The following SAE1 variants were observed in gnomAD, a reference collection of about 807,000 sequenced individuals.
SAE1 encodes the protein SUMO-activating enzyme subunit 1.
SAE1 carries 11 observed loss-of-function variants against 40.6 expected under a neutral mutation model. The ratio of observed to expected loss-of-function variants is 0.27; its 90% CI spans 0.17 to 0.45. The LOEUF (loss-of-function observed/expected upper bound fraction) is 0.45, where lower values mean the gene tolerates loss of function less well. Ranked by LOEUF, SAE1 falls within the 20% of genes least tolerant of loss-of-function variation. SAE1 has a pLI of 1.00. For missense variants in SAE1, 373 were observed against 427.3 expected (o/e 0.87, Z 1.12); for synonymous variants, 155 against 154.3 (o/e 1.00, Z -0.03).
intron 6 of SAE1, among the ~76,000 whole-genome samples, chr19:47,194,565 T>A (rs2123305234): frequency 6.6e-6 from 1 of 152,318 alleles, no homozygotes; most frequent in East Asian, 1.9e-4. Context: ...TCTCTGTGTC[T>A]GTTCTGAAAT....
intron 6 of SAE1, among the ~76,000 whole-genome samples, chr19:47,182,506 C>G (rs1258195590): frequency 6.9e-6 from 1 of 144,794 alleles, no homozygotes; most frequent in Non-Finnish European, 1.5e-5. Flanking sequence ...TGCGCGCACG[C>G]ACGCGCGCGC....
At chr19:47,145,818 T>G (rs531092748) in intron 2 of SAE1, among the ~76,000 whole-genome samples, 7 of 152,298 alleles carry the variant, frequency 4.6e-5, no homozygotes, top group African/African-American at 1.7e-4. Context: ...TGCACCCATC[T>G]TAGAGCGTAT....
chr19:47,180,785 TGCACTCCA>T (rs1180554373), intron 6 of SAE1, among the ~76,000 whole-genome samples: 1 of 152,168 alleles, frequency 6.6e-6, no homozygotes, highest in Non-Finnish European at 1.5e-5. Flanking sequence ...ATTGCACCAC[TGCACTCCA>T]GCCTGGGAGC....
intron 1 of SAE1, among the ~76,000 whole-genome samples, chr19:47,139,790 A>G (rs1477757112): frequency 4.3e-5 from 6 of 138,574 alleles, no homozygotes; most frequent in Non-Finnish European, 7.8e-5. Flanking sequence ...TTTAGTAGAA[A>G]CGGGGTTTTA....
rs963710487 is a variant in SAE1, at chr19:47,185,316, A to G, written c.734-11917A>G. ...TTTTATTTTTCATTTTTATTTGTTT[A>G]CTTATTTTTGAGACAGAGTCTTGCT... On this transcript the variant is annotated intron_variant, in intron 6 of 8. Coordinates refer to ENST00000270225, the MANE Select transcript of SAE1 (RefSeq NM_005500.3). 2.6e-5 allele frequency among the ~76,000 whole-genome samples: 4 copies of G among 151,056 alleles called. No homozygotes were observed. In the East Asian group the frequency reaches 5.9e-4, roughly 22 times the overall value.
chr19:47,135,382 A>G (rs2058172351), intron 1 of SAE1: 1 of 152,020 alleles, frequency 6.6e-6, no homozygotes, highest in Non-Finnish European at 1.5e-5. Flanking sequence ...CATGAGTTCA[A>G]TTGTTTTAAT....
intron 6 of SAE1, among the ~76,000 whole-genome samples, chr19:47,192,479 C>G (rs2058585277): frequency 6.6e-6 from 1 of 151,972 alleles, no homozygotes; most frequent in Non-Finnish European, 1.5e-5. Flanking sequence ...GAACCCCTGA[C>G]CTCGTGATCC....
chr19:47,189,702 T>A (rs886216976), intron 6 of SAE1, among the ~76,000 whole-genome samples: 69 of 152,256 alleles, frequency 4.5e-4, no homozygotes, highest in African/African-American at 1.6e-3. Context: ...AGTTTTGATA[T>A]AGATTCAACT....
chr19:47,185,793 G>A (rs1568604352), intron 6 of SAE1, among the ~76,000 whole-genome samples: 1 of 150,730 alleles, frequency 6.6e-6, no homozygotes, highest in Admixed American at 6.6e-5. Flanking sequence ...GTAGAGACAG[G>A]GTTTCACTAT....
At chr19:47,206,711 A>T (rs1315329200) in intron 8 of SAE1, among the ~76,000 whole-genome samples, 1 of 152,132 alleles carries the variant, frequency 6.6e-6, no homozygotes, top group Non-Finnish European at 1.5e-5. Flanking sequence ...CCACCTGTGT[A>T]CTGTTGGACC....
intron 6 of SAE1, chr19:47,180,453 T>C (rs1395323851): frequency 2.8e-6 from 1 of 355,478 alleles, no homozygotes; most frequent in Non-Finnish European, 5.6e-6. Flanking sequence ...ACCATAGTAG[T>C]AACAATTGTT....
chr19:47,143,301 C>A (rs1413949920), intron 1 of SAE1, among the ~76,000 whole-genome samples, 193 bp from the exon 2 acceptor site: 2 of 152,140 alleles, frequency 1.3e-5, no homozygotes, highest in African/African-American at 4.8e-5. Flanking sequence ...GACGGGGTTT[C>A]ACCGTGTTGG....
At chr19:47,150,087 A>G (rs2058278417) in intron 2 of SAE1, 115 bp from the exon 3 acceptor site, 1 of 736,570 alleles carries the variant, frequency 1.4e-6, no homozygotes, top group Admixed American at 3.5e-5. Context: ...AAAAAAAAAA[A>G]AAAAAAAATT....
intron 5 of SAE1, among the ~76,000 whole-genome samples, chr19:47,156,847 G>A (rs891586102): frequency 3.3e-5 from 5 of 152,198 alleles, no homozygotes; most frequent in African/African-American, 1.2e-4. Flanking sequence ...GGGATCAGAA[G>A]ACGATGGTTT....
rs370790641 is a variant in SAE1, at chr19:47,150,070, G to A, written c.211-132G>A. ...TCCAGCCTGGTGACAGAGCAAGACT[G>A]TCTCAAAAAAAAAAAAAAAAAAAAA... On this transcript the variant is annotated intron_variant, in intron 2 of 8. Coordinates refer to ENST00000270225, the MANE Select transcript of SAE1 (RefSeq NM_005500.3). The A allele has an allele frequency of 2.5e-3, 1,281 of 507,404 alleles. 19 individuals are homozygous for A. In the African/African-American group the frequency reaches 0.03, roughly 12 times the overall value. 31.4% of individuals were successfully genotyped at this position (507,404 alleles called of 1,614,324 possible).
chr19:47,132,935 T>C (rs1317377626), intron 1 of SAE1, among the ~76,000 whole-genome samples: 1 of 151,224 alleles, frequency 6.6e-6, no homozygotes, highest in Non-Finnish European at 1.5e-5. Flanking sequence ...GTGTCAGTTA[T>C]TAAAGGATGG....
At chr19:47,164,936 G>T (rs1029236413) in intron 5 of SAE1, among the ~76,000 whole-genome samples, 5 of 152,110 alleles carry the variant, frequency 3.3e-5, no homozygotes, top group African/African-American at 1.2e-4. Flanking sequence ...ACAGGCGTGA[G>T]CCACAGTGCC....
chr19:47,207,220 C>A lies in SAE1; in HGVS notation c.949-1939C>A, dbSNP rs112522969. Among the ~76,000 whole-genome samples the A allele has an allele frequency of 7.1e-3, 1,082 of 152,230 alleles. 11 individuals carry two copies. The highest frequency in any genetic ancestry group is 0.025 in the African/African-American group (1,046 of 41,544). ...TGTGCCTCCCACCTGGGTAGCAGAA[C>A]AAGATCCTATCTCAAAAAATTAAAA... On this transcript the variant is annotated intron_variant, in intron 8 of 8. Transcript: ENST00000270225.
At chr19:47,177,227 G>T (rs2058474853) in intron 6 of SAE1, among the ~76,000 whole-genome samples, 1 of 152,212 alleles carries the variant, frequency 6.6e-6, no homozygotes, top group African/African-American at 2.4e-5. Context: ...TCATAGCTGG[G>T]ACTAATCAGA....
Sources: gnomAD v4.1 joint callset for allele counts (sites outside exome capture counted in the v4.1 genomes callset) on GRCh38, gnomAD v4.1.1 for gene constraint, MANE v1.5 for transcripts, NCBI Gene and HGNC (gene_info 2026-07-23, HGNC 2026-07-21) for gene names.